Variants in DNAJC11 observed in about 807,000 individuals in gnomAD.
The protein encoded by DNAJC11 is DnaJ heat shock protein family (Hsp40) member C11, also known as dnaJ homolog subfamily C member 11.
Under a neutral mutation model 78.6 loss-of-function variants are expected in DNAJC11, and 15 were observed. That is an observed-to-expected ratio of 0.19 (90% CI 0.13 to 0.29). The LOEUF is 0.29. DNAJC11 is among the 10% of genes least tolerant of loss of function. The pLI, the probability that DNAJC11 is intolerant of heterozygous loss-of-function variation, is 1.00. For synonymous variants in DNAJC11, 292 were observed against 272.1 expected, an observed-to-expected ratio of 1.07 and a Z score of -0.72; for missense variants, 547 against 709.6, an observed-to-expected ratio of 0.77 and a Z score of 2.60.
Position 6,701,689 on chromosome 1 carries a change from C to G in DNAJC11, c.72+40G>C, listed in dbSNP as rs574977779. On this transcript the variant is annotated intron_variant, in intron 1 of 15. Coordinates refer to ENST00000377577, the MANE Select transcript of DNAJC11 (RefSeq NM_018198.4). ...AGCCCGGCCCTCCCGAACGACCGGGCTCGGCCTCAGCCCCCAGAGCGTCCA... is the reference window on the plus strand; with the variant it reads ...AGCCCGGCCCTCCCGAACGACCGGGGTCGGCCTCAGCCCCCAGAGCGTCCA... 78 of 1,501,554 alleles carry G rather than the reference C, an allele frequency of 5.2e-5. No individual in the cohort carries two copies. In the South Asian group the frequency reaches 9.4e-4, roughly 18 times the overall value. The allele number at this position is 1,501,554 out of a possible 1,614,324, so 93.0% of individuals were successfully genotyped here.
rs1164956602 is a variant in DNAJC11, at chr1:6,644,557, C to A, written c.1097+1G>T. The stretch of plus-strand genomic sequence containing the variant: ...ACCCGAAAGGCCTAAGTTCAACTTA[C>A]TTGACTTTGAGAGAAACACCCTGTG... On this transcript the variant is annotated splice_donor_variant, in intron 10 of 15. Transcript: ENST00000377577. LOFTEE classifies it high-confidence loss of function. The A allele has an allele frequency of 6.2e-7, 1 of 1,611,024 alleles. No individual in the cohort carries two copies. The highest frequency in any genetic ancestry group is 8.5e-7 in the Non-Finnish European group (1 of 1,177,274).
At chr1:6,636,575 C>T (rs991752123) in intron 14 of DNAJC11, among the ~76,000 whole-genome samples, 2 of 152,108 alleles carry the variant, frequency 1.3e-5, no homozygotes, top group Non-Finnish European at 2.9e-5. Context: ...TACAAGTGAC[C>T]TCATGATCTT....
chr1:6,689,331 AC>A lies in DNAJC11; in HGVS notation c.73-8295del, dbSNP rs531633532. ...GAAGTCCTAGAGGATTCACGGATCT[AC>A]GGGACAGTTACTGAGTATGAAATGG... On this transcript the variant is annotated intron_variant, in intron 1 of 15. Coordinates refer to ENST00000377577, the MANE Select transcript of DNAJC11 (RefSeq NM_018198.4). 7.8e-4 allele frequency among the ~76,000 whole-genome samples: 119 copies of A among 152,338 alleles called. 1 individual carries two copies. Among genetic ancestry groups the A allele is most frequent in the Non-Finnish European group, 1.5e-3 (103 of 68,028 alleles).
intron 1 of DNAJC11, among the ~76,000 whole-genome samples, chr1:6,697,165 T>C (rs1056548002): frequency 1.3e-5 from 2 of 152,130 alleles, no homozygotes; most frequent in Non-Finnish European, 2.9e-5. Context: ...GATAAAGTAC[T>C]CCCTCCTCTC....
At position 6,635,600 on chromosome 1, in the gene DNAJC11, T is replaced by A; in HGVS notation, c.*75A>T. The stretch of plus-strand genomic sequence containing the variant: ...AAAATAAAAACATCTGATGTCTGGG[T>A]TTTTTCATTTCCAAATTTGTAGACT... On this transcript the variant is annotated 3_prime_UTR_variant, in exon 16 of 16. Coordinates refer to ENST00000377577, the MANE Select transcript of DNAJC11 (RefSeq NM_018198.4). 6.6e-7 allele frequency: 1 copy of A among 1,503,894 alleles called. No individual in the cohort carries two copies. The highest frequency in any genetic ancestry group is 9.2e-7 in the Non-Finnish European group (1 of 1,089,714). The allele number at this position is 1,503,894 out of a possible 1,614,324, so 93.2% of individuals were successfully genotyped here. A position where few individuals can be genotyped will look rare whatever the true frequency, so the allele number is the denominator to read the frequency against.
intron 10 of DNAJC11, among the ~76,000 whole-genome samples, chr1:6,641,406 T>TGTACAC (rs1553127128): frequency 6.4e-5 from 9 of 140,096 alleles, no homozygotes; most frequent in African/African-American, 2.4e-4. Context: ...TATATATATA[T>TGTACAC]ACACACACAC....
rs1642540469 is a variant in DNAJC11, at chr1:6,680,867, T to G, written c.202+41A>C. 6.2e-7 allele frequency: 1 copy of G among 1,602,802 alleles called. No individual in the cohort carries two copies. Among genetic ancestry groups the G allele is most frequent in the African/African-American group, 1.3e-5 (1 of 74,712 alleles). ...TCGCACCTCCTAAAAATCGAATATC[T>G]GTTACCAGGATGTTTCTACAAAGTC... On this transcript the variant is annotated intron_variant, in intron 2 of 15. Transcript: ENST00000377577. The surrounding 1 kb of genome is among the most constrained non-coding windows in gnomAD (Gnocchi z 4.0).
chr1:6,667,259 T>G (rs1642307599), intron 4 of DNAJC11, among the ~76,000 whole-genome samples: 1 of 152,296 alleles, frequency 6.6e-6, no homozygotes, highest in African/African-American at 2.4e-5. Flanking sequence ...CTGCATTATT[T>G]GGCTCTCCGT....
At chr1:6,701,562 T>C (rs1642929408) in intron 1 of DNAJC11, among the ~76,000 whole-genome samples, 167 bp downstream of exon 1, 1 of 151,844 alleles carries the variant, frequency 6.6e-6, no homozygotes, top group Non-Finnish European at 1.5e-5. Context: ...GTCTGGGCGG[T>C]GGGGACGCCT....
intron 1 of DNAJC11, among the ~76,000 whole-genome samples, chr1:6,696,450 C>G (rs1328028546): frequency 1.3e-5 from 2 of 152,122 alleles, no homozygotes; most frequent in African/African-American, 4.8e-5. Context: ...GTGACTTTGA[C>G]CCTAGGACAA....
chr1:6,688,893 GT>G (rs1430121639), intron 1 of DNAJC11, among the ~76,000 whole-genome samples: 1 of 152,180 alleles, frequency 6.6e-6, no homozygotes, highest in Non-Finnish European at 1.5e-5. Context: ...GCAAACATTT[GT>G]TAAGTACCAT....
chr1:6,674,756 A>G (rs937548890), intron 3 of DNAJC11, among the ~76,000 whole-genome samples: 1 of 151,938 alleles, frequency 6.6e-6, no homozygotes, highest in African/African-American at 2.4e-5. Context: ...AAATTTACCT[A>G]ATGACTGACA....
Position 6,695,627 on chromosome 1 carries a change from T to TA in DNAJC11, c.72+6101dup, listed in dbSNP as rs70984004. On this transcript the variant is annotated intron_variant, in intron 1 of 15. Coordinates refer to ENST00000377577, the MANE Select transcript of DNAJC11 (RefSeq NM_018198.4). ...CAACATAGTGAAACCCTATCTCTAC[T>TA]AAAAAAAAAAAAAAAAAAAAAAAAA... Among the ~76,000 whole-genome samples, 581 of 82,908 alleles carry TA rather than the reference T, an allele frequency of 7.0e-3. 23 individuals are homozygous for TA. The highest frequency in any genetic ancestry group is 0.027 in the East Asian group (49 of 1,800). The allele number at this position is 82,908 out of a possible 152,430, so 54.4% of individuals were successfully genotyped here.
intron 1 of DNAJC11, among the ~76,000 whole-genome samples, chr1:6,697,687 C>T (rs1400387853): frequency 1.3e-5 from 2 of 152,172 alleles, no homozygotes; most frequent in Admixed American, 1.3e-4. Context: ...GGTTGAGGAC[C>T]CCTGCTCTAG....
At position 6,634,374 on chromosome 1, in the gene DNAJC11, A is replaced by T. The variant is rs1275387809; in HGVS notation, c.*1301T>A. 3 of 1,157,868 alleles carry T rather than the reference A, an allele frequency of 2.6e-6. No individual in the cohort carries two copies. The highest frequency in any genetic ancestry group is 3.4e-6 in the Non-Finnish European group (3 of 878,742). 71.7% of individuals were successfully genotyped at this position (1,157,868 alleles called of 1,614,324 possible). A position where few individuals can be genotyped will look rare whatever the true frequency, so the allele number is the denominator to read the frequency against. On this transcript the variant is annotated 3_prime_UTR_variant, in exon 16 of 16. Transcript: ENST00000377577. ...TAAAAAATGGAGATGAATGTTACAG[A>T]ATTGGACAACCCGAACTGCTTTTCA...
chr1:6,653,750 G>A lies in DNAJC11; in HGVS notation c.507+161C>T, dbSNP rs1418185594. 7.4e-6 allele frequency: 7 copies of A among 939,758 alleles called. No homozygotes were observed. Among genetic ancestry groups the A allele is most frequent in the South Asian group, 6.4e-5 (4 of 62,562 alleles). The allele number at this position is 939,758 out of a possible 1,614,324, so 58.2% of individuals were successfully genotyped here. On this transcript the variant is annotated intron_variant, in intron 5 of 15. Coordinates refer to ENST00000377577, the MANE Select transcript of DNAJC11 (RefSeq NM_018198.4). This position sits in a 1 kb window ranked among gnomAD's most constrained non-coding sequence, Gnocchi z 4.5. ...ACATGCCAGCACAGCGGTAACACACGGCTGGGAATGAAGCGCTTTCTTTTT... is the reference window on the plus strand; with the variant it reads ...ACATGCCAGCACAGCGGTAACACACAGCTGGGAATGAAGCGCTTTCTTTTT...
intron 14 of DNAJC11, among the ~76,000 whole-genome samples, chr1:6,636,721 A>G (rs1278706316): frequency 6.6e-6 from 1 of 152,174 alleles, no homozygotes; most frequent in African/African-American, 2.4e-5. Flanking sequence ...GAATGAAGAG[A>G]ATAGCTCCAA....
rs141500623 is a variant in DNAJC11 at position 6,700,380 on chromosome 1, T to C, written c.72+1349A>G. On this transcript the variant is annotated intron_variant, in intron 1 of 15. Transcript: ENST00000377577. Reference sequence around the variant, plus strand: ...GGTTTATTGCTCACACAAAGCCTGTTTGGTGGTCTCTTCACACGGACGCGC... The same window carrying C: ...GGTTTATTGCTCACACAAAGCCTGTCTGGTGGTCTCTTCACACGGACGCGC... 4.1e-3 allele frequency among the ~76,000 whole-genome samples: 629 copies of C among 152,298 alleles called. 5 individuals carry two copies. Among genetic ancestry groups the C allele is most frequent in the African/African-American group, 0.014 (565 of 41,562 alleles).
At chr1:6,671,438 G>C (rs1350851075) in intron 3 of DNAJC11, among the ~76,000 whole-genome samples, 1 of 149,022 alleles carries the variant, frequency 6.7e-6, no homozygotes, top group Non-Finnish European at 1.5e-5. Context: ...GGGTTTCACC[G>C]TATTAGCCAG....
Sources: gnomAD v4.1 joint callset for allele counts (sites outside exome capture counted in the v4.1 genomes callset) on GRCh38, gnomAD v4.1.1 for gene constraint, Gnocchi (gnomAD v3.1) non-coding constraint, MANE v1.5 for transcripts, NCBI Gene and HGNC (gene_info 2026-07-23, HGNC 2026-07-21) for gene names.